SYNDIG1L: variants seen among roughly 807,000 people sequenced by gnomAD.
SYNDIG1L encodes synapse differentiation-inducing gene protein 1-like.
SYNDIG1L carries 13 observed loss-of-function variants against 20.1 expected under a neutral mutation model. That is an observed-to-expected ratio of 0.65 (90% CI 0.42 to 1.03). The LOEUF is 1.03. Ranked by LOEUF, SYNDIG1L falls within the 50% of genes least tolerant of loss-of-function variation. The pLI is 0.00. For missense variants in SYNDIG1L, 294 were observed against 305.1 expected, an observed-to-expected ratio of 0.96 and a Z score of 0.27; for synonymous variants, 128 against 129.3, an observed-to-expected ratio of 0.99 and a Z score of 0.07.
the SYNDIG1L span, among the ~76,000 whole-genome samples, chr14:74,439,204 T>C: frequency 6.7e-6 from 1 of 150,348 alleles, no homozygotes; most frequent in African/African-American, 2.4e-5. Flanking sequence ...ATGCCCCCTC[T>C]CTGGCTTCCT....
At chr14:74,469,052 C>T in the SYNDIG1L span, among the ~76,000 whole-genome samples, 1 of 152,082 alleles carries the variant, frequency 6.6e-6, no homozygotes, top group Non-Finnish European at 1.5e-5. Context: ...GCCATACACA[C>T]TGGCTCCCCA....
the SYNDIG1L span, among the ~76,000 whole-genome samples, chr14:74,433,458 G>A: frequency 4.6e-5 from 7 of 151,702 alleles, no homozygotes; most frequent in Admixed American, 2.6e-4. Flanking sequence ...ATCTTGGCCC[G>A]CTGCAACCTC....
chr14:74,438,130 G>A, the SYNDIG1L span, among the ~76,000 whole-genome samples: 1 of 152,206 alleles, frequency 6.6e-6, no homozygotes, highest in Non-Finnish European at 1.5e-5. Context: ...GGTGAGGTCT[G>A]TGGCAGCACC....
chr14:74,444,149 C>A, the SYNDIG1L span, among the ~76,000 whole-genome samples: 3 of 151,998 alleles, frequency 2.0e-5, no homozygotes, highest in Non-Finnish European at 4.4e-5. Context: ...TTTACTGCAA[C>A]CTCTGCCTCC....
At chr14:74,454,524 C>A in the SYNDIG1L span, among the ~76,000 whole-genome samples, 9 of 152,152 alleles carry the variant, frequency 5.9e-5, no homozygotes, top group African/African-American at 2.2e-4. Context: ...AAGCTGGAGC[C>A]GCTTCCTTTT....
intron 1 of SYNDIG1L, among the ~76,000 whole-genome samples, chr14:74,412,631 A>G (rs2086140641): frequency 6.6e-6 from 1 of 152,192 alleles, no homozygotes; most frequent in South Asian, 2.1e-4. Flanking sequence ...GGGCACAGTC[A>G]TCCCCTTCCC....
chr14:74,438,207 A>G, the SYNDIG1L span, among the ~76,000 whole-genome samples: 7 of 152,214 alleles, frequency 4.6e-5, no homozygotes, highest in African/African-American at 1.7e-4. Context: ...TGTGATCAAT[A>G]AAGATGTTAA....
At chr14:74,445,454 TTGTG>T in the SYNDIG1L span, among the ~76,000 whole-genome samples, 56,900 of 147,632 alleles carry the variant, frequency 0.39, 10,799 homozygotes, top group Non-Finnish European at 0.41. Context: ...GTATTAAAAT[TTGTG>T]TGTGTGTGTG....
chr14:74,416,489 T>C (rs1324499099), intron 1 of SYNDIG1L, among the ~76,000 whole-genome samples: 2 of 151,888 alleles, frequency 1.3e-5, no homozygotes, highest in African/African-American at 4.8e-5. Context: ...AAAAAATCAA[T>C]CAGGTGTGGT....
chr14:74,416,535 G>A (rs1332398131), intron 1 of SYNDIG1L, among the ~76,000 whole-genome samples: 4 of 152,140 alleles, frequency 2.6e-5, no homozygotes, highest in African/African-American at 9.7e-5. Flanking sequence ...TTGGGAGGCC[G>A]AGGCGGGAGG....
the SYNDIG1L span, among the ~76,000 whole-genome samples, chr14:74,440,504 G>C: frequency 7.6e-6 from 1 of 131,758 alleles, no homozygotes; most frequent in South Asian, 2.4e-4. Flanking sequence ...GACAGAGCGA[G>C]ACTCCGTCTC....
At chr14:74,463,555 G>C in the SYNDIG1L span, among the ~76,000 whole-genome samples, 2 of 152,082 alleles carry the variant, frequency 1.3e-5, no homozygotes, top group African/African-American at 4.8e-5. Context: ...CTCTTTGTGC[G>C]GTCTCGGATA....
intron 1 of SYNDIG1L, among the ~76,000 whole-genome samples, chr14:74,425,640 G>C (rs2086258131): frequency 6.6e-6 from 1 of 152,206 alleles, no homozygotes; most frequent in Admixed American, 6.5e-5. Flanking sequence ...TCAGTAGGCA[G>C]GATGTCTAGG....
Position 74,409,748 on chromosome 14 carries a change from T to TCTGGGGCAGCTGCTGGGGAGGGGGGC in SYNDIG1L, c.-30_-5dup. Reference sequence around the variant, plus strand: ...GTAGTTCACTCAGACTCTCCATGGTTCTGGGGCAGCTGCTGGGGAGGGGGG... The same window carrying TCTGGGGCAGCTGCTGGGGAGGGGGGC: ...GTAGTTCACTCAGACTCTCCATGGTTCTGGGGCAGCTGCTGGGGAGGGGGGCCTGGGGCAGCTGCTGGGGAGGGGGG... On this transcript the variant is annotated 5_prime_UTR_variant, in exon 2 of 4. Transcript: ENST00000331628. The TCTGGGGCAGCTGCTGGGGAGGGGGGC allele has an allele frequency of 7.0e-7, 1 of 1,425,534 alleles. No homozygotes were observed. Among genetic ancestry groups the TCTGGGGCAGCTGCTGGGGAGGGGGGC allele is most frequent in the Non-Finnish European group, 9.2e-7 (1 of 1,086,280 alleles). 88.3% of individuals were successfully genotyped at this position (1,425,534 alleles called of 1,614,324 possible).
At chr14:74,467,474 T>G in the SYNDIG1L span, among the ~76,000 whole-genome samples, 1 of 152,054 alleles carries the variant, frequency 6.6e-6, no homozygotes, top group Non-Finnish European at 1.5e-5. Context: ...GATTATGAAG[T>G]TCCCCTCCAC....
chr14:74,465,325 G>A, the SYNDIG1L span, among the ~76,000 whole-genome samples: 2 of 152,190 alleles, frequency 1.3e-5, no homozygotes, highest in Non-Finnish European at 2.9e-5. Context: ...GCCCAGACAC[G>A]AAAGGAAGCA....
intron 1 of SYNDIG1L, among the ~76,000 whole-genome samples, chr14:74,425,082 C>T (rs2086254213): frequency 6.6e-6 from 1 of 152,176 alleles, no homozygotes; most frequent in African/African-American, 2.4e-5. Context: ...TTCCTCCACG[C>T]AGTTTTATTT....
At position 74,407,486 on chromosome 14, in the gene SYNDIG1L, C is replaced by T. The variant is rs1008155504; in HGVS notation, c.*49G>A. The T allele has an allele frequency of 1.9e-6, 3 of 1,609,796 alleles. No homozygotes were observed. The African/African-American group carries it at 4.0e-5, about 21-fold the overall frequency. On this transcript the variant is annotated 3_prime_UTR_variant, in exon 4 of 4. Coordinates refer to ENST00000331628, the MANE Select transcript of SYNDIG1L (RefSeq NM_001105579.2). ...ATAGGGTCTGCAACTCCAAGCCCCACTGCTTCCTCAGGTGGGCAGGGGAGT... is the reference window on the plus strand; with the variant it reads ...ATAGGGTCTGCAACTCCAAGCCCCATTGCTTCCTCAGGTGGGCAGGGGAGT...
chr14:74,463,217 T>C, the SYNDIG1L span, among the ~76,000 whole-genome samples: 13 of 152,280 alleles, frequency 8.5e-5, no homozygotes, highest in South Asian at 1.7e-3. Context: ...ACACTCCACA[T>C]TGGGCACTCC....
Sources: gnomAD v4.1 joint callset for allele counts (sites outside exome capture counted in the v4.1 genomes callset) on GRCh38, gnomAD v4.1.1 for gene constraint, MANE v1.5 for transcripts, NCBI Gene and HGNC (gene_info 2026-07-23, HGNC 2026-07-21) for gene names.